SUN1: variants seen among roughly 807,000 people sequenced by gnomAD.
The protein encoded by SUN1 is SUN domain-containing protein 1.
Under a neutral mutation model 103.2 loss-of-function variants are expected in SUN1, and 61 were observed. That is an observed-to-expected ratio of 0.59 (90% CI 0.48 to 0.73). SUN1 has a LOEUF of 0.73. SUN1 is among the 30% of genes least tolerant of loss of function. The pLI, the probability that SUN1 is intolerant of heterozygous loss-of-function variation, is 0.00. For synonymous variants in SUN1, 490 were observed against 425.7 expected (o/e 1.15, Z -1.86); for missense variants, 1,052 against 1,034.6 (o/e 1.02, Z -0.23).
At chr7:862,984 T>A (rs1209338806) in intron 15 of SUN1, among the ~76,000 whole-genome samples, 2 of 151,988 alleles carry the variant, frequency 1.3e-5, no homozygotes, top group Non-Finnish European at 2.9e-5. Flanking sequence ...CTACTAAAAA[T>A]ACAAAAAATT....
chr7:855,062 A>T, intron 11 of SUN1, 56 bp downstream of exon 11: 4 of 1,330,206 alleles, frequency 3.0e-6, no homozygotes, highest in Non-Finnish European at 4.3e-6. Flanking sequence ...AACTATGGCT[A>T]ATATTTTAAA....
At position 852,109 on chromosome 7, in the gene SUN1, C is replaced by T. The variant is rs182666053; in HGVS notation, c.851+66C>T. 3.0e-5 allele frequency: 41 copies of T among 1,349,278 alleles called. No homozygotes were observed. In the East Asian group the frequency reaches 9.2e-4, roughly 30 times the overall value. 83.6% of individuals were successfully genotyped at this position (1,349,278 alleles called of 1,614,324 possible). ...ACCAATTTTGTGCCAATTGCAGGCT[C>T]TCATTTGATTTGTTATTTTGTAAGG... On this transcript the variant is annotated intron_variant, in intron 7 of 18. Coordinates refer to ENST00000401592, the MANE Select transcript of SUN1 (RefSeq NM_001130965.3).
intron 15 of SUN1, among the ~76,000 whole-genome samples, chr7:863,325 A>G (rs992657095): frequency 6.6e-6 from 1 of 150,464 alleles, no homozygotes; most frequent in African/African-American, 2.5e-5. Context: ...CACCAGCGCC[A>G]GGGCCCCTGG....
intron 5 of SUN1, among the ~76,000 whole-genome samples, chr7:844,288 C>T (rs1317819612): frequency 6.6e-6 from 1 of 152,218 alleles, no homozygotes; most frequent in Non-Finnish European, 1.5e-5. Context: ...TCGGCCGGGC[C>T]GGGTGCTGCC....
intron 12 of SUN1, 113 bp downstream of exon 12, chr7:856,514 C>T (rs1345317044): frequency 8.6e-7 from 1 of 1,167,584 alleles, no homozygotes; most frequent in African/African-American, 1.5e-5. Context: ...CCGAGGGTCA[C>T]CTGAAGGCCC....
intron 1 of SUN1, among the ~76,000 whole-genome samples, chr7:822,387 G>A (rs761031792): frequency 6.6e-6 from 1 of 152,166 alleles, no homozygotes; most frequent in Non-Finnish European, 1.5e-5. Flanking sequence ...AGACACTTTT[G>A]ACATTTGTGC....
At chr7:828,261 T>G (rs57405283), upstream of SUN1, among the ~76,000 whole-genome samples, 33,349 of 134,356 alleles carry the variant, frequency 0.25, 4,217 homozygotes, top group East Asian at 0.5. Context: ...TTTGTTTTTG[T>G]TTTTTGTTTT....
At chr7:848,273 C>T (rs759438167) in intron 5 of SUN1, 4 of 685,928 alleles carry the variant, frequency 5.8e-6, no homozygotes, top group African/African-American at 1.9e-5. Context: ...CCCCTGTCCA[C>T]TGCCAGCTGG....
rs769022531 is a variant in SUN1, at chr7:869,640, T to G, written c.2148+124T>G. ...GCTGCCCCTCCGCCCTCTCTCAGAT[T>G]CGGTGTTGAGGGGAACATTCCAGTG... On this transcript the variant is annotated intron_variant, in intron 17 of 18. Transcript: ENST00000401592. 628 of 1,212,408 alleles carry G rather than the reference T, an allele frequency of 5.2e-4. 1 individual carries two copies. Among genetic ancestry groups the G allele is most frequent in the Non-Finnish European group, 6.5e-4 (576 of 880,034 alleles). 75.1% of individuals were successfully genotyped at this position (1,212,408 alleles called of 1,614,324 possible).
At chr7:872,360 G>A in intron 17 of SUN1, 110 bp from the exon 18 acceptor site, 1 of 831,848 alleles carries the variant, frequency 1.2e-6, no homozygotes, top group East Asian at 2.7e-5. Flanking sequence ...TCTTACTGAT[G>A]TGGAGGGAAA....
intron 1 of SUN1, among the ~76,000 whole-genome samples, chr7:821,182 T>C (rs1004429444): frequency 1.4e-5 from 2 of 142,010 alleles, no homozygotes; most frequent in Non-Finnish European, 3.1e-5. Context: ...TTTTTTTTTT[T>C]TTTTTGAGAC....
chr7:851,886 T>G, intron 6 of SUN1, 64 bp from the exon 7 acceptor site: 1 of 1,544,560 alleles, frequency 6.5e-7, no homozygotes, highest in Non-Finnish European at 8.9e-7. Context: ...ACAGAAATGG[T>G]CCATTTAGGA....
chr7:833,927 G>A (rs927011994), intron 1 of SUN1, among the ~76,000 whole-genome samples: 4 of 152,194 alleles, frequency 2.6e-5, no homozygotes, highest in Non-Finnish European at 4.4e-5. Flanking sequence ...TTTTTAAAAT[G>A]CCTCTGTTTC....
chr7:869,263 C>A, intron 16 of SUN1, 86 bp from the exon 17 acceptor site: 1 of 1,465,554 alleles, frequency 6.8e-7, no homozygotes, highest in South Asian at 1.4e-5. Flanking sequence ...ATTTTTATCT[C>A]AGTATAATCA....
intron 16 of SUN1, 189 bp from the exon 17 acceptor site, chr7:869,160 T>G: frequency 1.5e-6 from 1 of 680,168 alleles, no homozygotes; most frequent in East Asian, 2.6e-5. Context: ...ACATATGGGT[T>G]GGAGATAGTG....
intron 10 of SUN1, 147 bp downstream of exon 10, chr7:853,765 G>C: frequency 1.1e-6 from 1 of 894,588 alleles, no homozygotes; most frequent in Non-Finnish European, 1.7e-6. Context: ...TGAGAGCAGT[G>C]TGCCGGAGAG....
At chr7:862,349 G>A (rs747367518) in intron 15 of SUN1, among the ~76,000 whole-genome samples, 7 of 152,078 alleles carry the variant, frequency 4.6e-5, no homozygotes, top group Non-Finnish European at 7.4e-5. Flanking sequence ...ATGTGGTTGC[G>A]CAGGATCCTA....
At position 857,952 on chromosome 7, in the gene SUN1, G is replaced by GA. The variant is rs1562756984; in HGVS notation, c.1522dup (p.Arg508LysfsTer103). On this transcript the variant is annotated frameshift_variant, in exon 13 of 19. Transcript: ENST00000401592. LOFTEE classifies it high-confidence loss of function. ...CTGTGAGACAGTGGATGCCGTACAA[G>GA]AAAGAGTGAGCTTTCTGCATGTTTA... 2 of 1,565,142 alleles carry GA rather than the reference G, an allele frequency of 1.3e-6. No individual in the cohort carries two copies. The highest frequency in any genetic ancestry group is 1.7e-6 in the Non-Finnish European group (2 of 1,148,424).
At chr7:831,458 G>C (rs1463586814), upstream of SUN1, among the ~76,000 whole-genome samples, 1 of 152,000 alleles carries the variant, frequency 6.6e-6, no homozygotes, top group African/African-American at 2.4e-5. Flanking sequence ...TTTTAGTAGA[G>C]ACGGGGTTTC....
Sources: allele counts gnomAD v4.1 joint callset (sites outside exome capture counted in the v4.1 genomes callset), GRCh38; gene constraint gnomAD v4.1.1; transcripts MANE v1.5; gene names NCBI Gene and HGNC (gene_info 2026-07-23, HGNC 2026-07-21).